The following CLMN variants were observed in gnomAD, a reference collection of about 807,000 sequenced individuals.
CLMN encodes calmin (calponin-like, transmembrane).
In CLMN, 57 loss-of-function variants were observed where a neutral mutation model predicts 92.7. That is an observed-to-expected ratio of 0.61 (90% CI 0.50 to 0.77). CLMN has a LOEUF of 0.77. CLMN is among the 30% of genes least tolerant of loss of function. The pLI, the probability that CLMN is intolerant of heterozygous loss-of-function variation, is 0.00. For synonymous variants in CLMN, 466 were observed against 470.6 expected (o/e 0.99, Z 0.13); for missense variants, 1,158 against 1,237.5 (o/e 0.94, Z 0.96).
At chr14:95,245,692 GTGGA>G (rs1190138572) in intron 1 of CLMN, among the ~76,000 whole-genome samples, 1,702 of 70,910 alleles carry the variant, frequency 0.024, 6 homozygotes, top group Middle Eastern at 0.036. Flanking sequence ...GGGTGGGTGG[GTGGA>G]TGGATGGATG....
chr14:95,247,483 G>T (rs559221791), intron 1 of CLMN, among the ~76,000 whole-genome samples: 2 of 152,304 alleles, frequency 1.3e-5, no homozygotes, highest in South Asian at 4.1e-4. Context: ...GCTGGTTGTC[G>T]GATCTCTGCT....
chr14:95,286,749 G>C (rs1566914235), intron 1 of CLMN, among the ~76,000 whole-genome samples: 1 of 152,204 alleles, frequency 6.6e-6, no homozygotes, highest in East Asian at 1.9e-4. Flanking sequence ...GGAGGGGACT[G>C]CCCTTCCATG....
intron 9 of CLMN, among the ~76,000 whole-genome samples, chr14:95,197,394 GAAAAAAGA>G (rs1030864042): frequency 1.6e-4 from 24 of 148,746 alleles, no homozygotes; most frequent in African/African-American, 5.5e-4. Context: ...GAGAGAGAAA[GAAAAAAGA>G]AAAAAAGAAA....
intron 1 of CLMN, among the ~76,000 whole-genome samples, chr14:95,288,200 T>A (rs1310330154): frequency 2.0e-5 from 3 of 152,174 alleles, no homozygotes. Flanking sequence ...AGGGGCCTTA[T>A]CACAAAGTCC....
At chr14:95,245,181 T>TATATATATATA (rs1898422013) in intron 1 of CLMN, among the ~76,000 whole-genome samples, 1 of 40,954 alleles carries the variant, frequency 2.4e-5, no homozygotes, top group African/African-American at 1.2e-4. Flanking sequence ...ATATTATATA[T>TATATATATATA]ATATATATAT....
At chr14:95,269,461 T>A (rs536723067) in intron 1 of CLMN, among the ~76,000 whole-genome samples, 36 of 152,392 alleles carry the variant, frequency 2.4e-4, no homozygotes, top group African/African-American at 8.7e-4. Context: ...GTGGTACATC[T>A]ACGGAAAGGT....
rs113556548 is a variant in CLMN, at chr14:95,311,567, G to A, written c.82+8144C>T. Reference sequence around the variant, plus strand: ...CTGCTTGCTTTTTCTGTGCCTTGGGGACACTGGACCACAATCTCCAAGAAG... The same window carrying A: ...CTGCTTGCTTTTTCTGTGCCTTGGGAACACTGGACCACAATCTCCAAGAAG... On this transcript the variant is annotated intron_variant, in intron 1 of 12. Coordinates refer to ENST00000298912, the MANE Select transcript of CLMN (RefSeq NM_024734.4). 2.5e-3 allele frequency among the ~76,000 whole-genome samples: 385 copies of A among 152,254 alleles called. 3 individuals carry two copies. Among genetic ancestry groups the A allele is most frequent in the African/African-American group, 8.9e-3 (368 of 41,526 alleles).
intron 9 of CLMN, among the ~76,000 whole-genome samples, chr14:95,200,344 G>A (rs538687096): frequency 2.0e-5 from 3 of 152,224 alleles, no homozygotes; most frequent in South Asian, 2.1e-4. Flanking sequence ...ATTAGACACC[G>A]AAGGCAGGAT....
chr14:95,210,395 G>T (rs1897163191), intron 7 of CLMN, among the ~76,000 whole-genome samples: 1 of 151,952 alleles, frequency 6.6e-6, no homozygotes, highest in Non-Finnish European at 1.5e-5. Flanking sequence ...TTATTATGCA[G>T]CCAATAAAAA....
At chr14:95,216,467 T>C (rs1328119491) in intron 4 of CLMN, among the ~76,000 whole-genome samples, 3 of 152,214 alleles carry the variant, frequency 2.0e-5, no homozygotes, top group Admixed American at 1.3e-4. Context: ...CAGTGTCACA[T>C]AGCTGGTAAG....
At chr14:95,245,212 ATATATATATATATTATATATATATAT>A (rs1165179726) in intron 1 of CLMN, among the ~76,000 whole-genome samples, 1 of 31,006 alleles carries the variant, frequency 3.2e-5, no homozygotes, top group African/African-American at 1.9e-4. Flanking sequence ...TATATATTAT[ATATATATATATATTATATATATATAT>A]TATATATATA....
At chr14:95,295,082 C>T (rs1277675033) in intron 1 of CLMN, among the ~76,000 whole-genome samples, 1 of 152,234 alleles carries the variant, frequency 6.6e-6, no homozygotes, top group Non-Finnish European at 1.5e-5. Flanking sequence ...TCTCTGTAAA[C>T]AGCCTCTGCA....
At chr14:95,222,726 T>C (rs956363033) in intron 3 of CLMN, 10 of 400,992 alleles carry the variant, frequency 2.5e-5, no homozygotes, top group African/African-American at 1.0e-4. Flanking sequence ...CTGTTGAGAG[T>C]TCATCACTGA....
rs114517658 is a variant in CLMN at position 95,276,967 on chromosome 14, G to A, written c.82+42744C>T. 6.3e-3 allele frequency among the ~76,000 whole-genome samples: 938 copies of A among 149,484 alleles called. 13 individuals are homozygous for A. The highest frequency in any genetic ancestry group is 0.022 in the African/African-American group (903 of 40,338). On this transcript the variant is annotated intron_variant, in intron 1 of 12. Coordinates refer to ENST00000298912, the MANE Select transcript of CLMN (RefSeq NM_024734.4). ...GATGATTTTTTTTTTTGGGTAACAT[G>A]GCTTGGCCCCCCCATAGCTATGGCA...
intron 1 of CLMN, among the ~76,000 whole-genome samples, chr14:95,230,567 G>A (rs1476921318): frequency 1.3e-5 from 2 of 152,220 alleles, no homozygotes; most frequent in Non-Finnish European, 2.9e-5. Context: ...ATTAGGAATT[G>A]GATAGGGGCT....
chr14:95,313,497 T>C (rs943325661), intron 1 of CLMN, among the ~76,000 whole-genome samples: 5 of 152,250 alleles, frequency 3.3e-5, no homozygotes, highest in African/African-American at 9.6e-5. Context: ...GGCCGTAGTT[T>C]GCAAATCCCT....
intron 1 of CLMN, among the ~76,000 whole-genome samples, chr14:95,241,957 G>T (rs146026468): frequency 6.6e-6 from 1 of 152,212 alleles, no homozygotes; most frequent in African/African-American, 2.4e-5. Context: ...TTATTACAAG[G>T]TCTCCCTAAT....
chr14:95,253,586 G>A (rs1898872523), intron 1 of CLMN, among the ~76,000 whole-genome samples: 1 of 151,910 alleles, frequency 6.6e-6, no homozygotes, highest in African/African-American at 2.4e-5. Context: ...GACCTGGGAG[G>A]CTCATTAACA....
chr14:95,214,345 T>C (rs1285646433), intron 5 of CLMN, among the ~76,000 whole-genome samples: 1 of 81,558 alleles, frequency 1.2e-5, no homozygotes, highest in Admixed American at 1.0e-4. Flanking sequence ...CTGCTGCTGC[T>C]TTTTTTTTTT....
Sources: gnomAD v4.1 joint callset for allele counts (sites outside exome capture counted in the v4.1 genomes callset) on GRCh38, gnomAD v4.1.1 for gene constraint, MANE v1.5 for transcripts, NCBI Gene and HGNC (gene_info 2026-07-23, HGNC 2026-07-21) for gene names.